ADAMTS14: variants seen among roughly 807,000 people sequenced by gnomAD.
ADAMTS14 encodes A disintegrin and metalloproteinase with thrombospondin motifs 14.
In ADAMTS14, 100 loss-of-function variants were observed where a neutral mutation model predicts 128.6. The ratio of observed to expected loss-of-function variants is 0.78; its 90% CI spans 0.66 to 0.92. The LOEUF (loss-of-function observed/expected upper bound fraction) is 0.92, where lower values mean the gene tolerates loss of function less well. ADAMTS14 is among the 40% of genes least tolerant of loss of function. The probability of loss-of-function intolerance (pLI) is 0.00; values close to 1 mark genes in which losing one functional copy is unlikely to be tolerated. For missense variants in ADAMTS14, 1,562 were observed against 1,658.6 expected, an observed-to-expected ratio of 0.94 and a Z score of 1.01; for synonymous variants, 665 against 653.8, an observed-to-expected ratio of 1.02 and a Z score of -0.26.
At chr10:70,706,983 T>C (rs927842381) in intron 3 of ADAMTS14, among the ~76,000 whole-genome samples, 3 of 152,238 alleles carry the variant, frequency 2.0e-5, no homozygotes, top group African/African-American at 7.2e-5. Flanking sequence ...CAATGGATTG[T>C]GCAGGGGCAG....
At chr10:70,717,293 A>C (rs536513153) in intron 4 of ADAMTS14, among the ~76,000 whole-genome samples, 2 of 152,044 alleles carry the variant, frequency 1.3e-5, no homozygotes, top group South Asian at 4.2e-4. Context: ...TGGAGAGAGG[A>C]GGGCTGTCTA....
chr10:70,744,151 CTG>C lies in ADAMTS14; in HGVS notation c.2147_2148del (p.Val716GlufsTer29). 6.4e-7 allele frequency: 1 copy of C among 1,551,808 alleles called. No homozygotes were observed. The highest frequency in any genetic ancestry group is 1.2e-5 in the South Asian group (1 of 83,988). On this transcript the variant is annotated frameshift_variant, in exon 14 of 22. Coordinates refer to ENST00000373207, the MANE Select transcript of ADAMTS14 (RefSeq NM_080722.4). The stretch of plus-strand genomic sequence containing the variant: ...GGGGGTGACAACTCCCACTGCAGGA[CTG>C]TGAAGGGGACGCTGGGCAAGGCCTC...
intron 4 of ADAMTS14, among the ~76,000 whole-genome samples, chr10:70,712,429 T>C (rs1404810707): frequency 6.6e-6 from 1 of 152,160 alleles, no homozygotes; most frequent in African/African-American, 2.4e-5. Context: ...CTCATGACTC[T>C]CATAGAGAAA....
intron 2 of ADAMTS14, among the ~76,000 whole-genome samples, chr10:70,684,049 G>T (rs1403859961): frequency 6.6e-6 from 1 of 151,958 alleles, no homozygotes; most frequent in African/African-American, 2.4e-5. Flanking sequence ...GAAGCATAGC[G>T]GCTTCCACTA....
chr10:70,708,294 C>T (rs1012187593), intron 3 of ADAMTS14, among the ~76,000 whole-genome samples: 1 of 152,156 alleles, frequency 6.6e-6, no homozygotes, highest in Admixed American at 6.5e-5. Context: ...AGGGATTGGG[C>T]CTGGGACGCC....
At chr10:70,752,945 C>T (rs570431998) in intron 18 of ADAMTS14, among the ~76,000 whole-genome samples, 9 of 152,250 alleles carry the variant, frequency 5.9e-5, no homozygotes, top group Non-Finnish European at 1.2e-4. Context: ...AGCTTCATAA[C>T]CAGCCCCCTG....
At chr10:70,747,030 C>A (rs1462134457) in intron 15 of ADAMTS14, among the ~76,000 whole-genome samples, 2 of 152,154 alleles carry the variant, frequency 1.3e-5, no homozygotes, top group African/African-American at 4.8e-5. Flanking sequence ...AAACACATAT[C>A]TCTTGGCAGG....
intron 18 of ADAMTS14, among the ~76,000 whole-genome samples, chr10:70,753,414 G>C (rs1842401951): frequency 6.6e-6 from 1 of 152,204 alleles, no homozygotes; most frequent in Non-Finnish European, 1.5e-5. Context: ...TCTGTTTTGT[G>C]CCCTGACGCT....
chr10:70,674,800 T>C lies in ADAMTS14; in HGVS notation c.327T>C (p.Asn109=), dbSNP rs1839593041. ...TGGGGCGCCACTCCCTCTACTTCAA[T>C]GTCACTGTTTTCGGGAAGGAACTGC... ...GRVGRHSLYF[N]VTVFGKELHL... The change falls in exon 2 of 22, where the codon AAT becomes AAC. Residue 109 remains asparagine, a synonymous_variant. Coordinates refer to ENST00000373207, the MANE Select transcript of ADAMTS14 (RefSeq NM_080722.4). 6.2e-7 allele frequency: 1 copy of C among 1,613,670 alleles called. No individual in the cohort carries two copies. Among genetic ancestry groups the C allele is most frequent in the Non-Finnish European group, 8.5e-7 (1 of 1,180,026 alleles).
intron 3 of ADAMTS14, among the ~76,000 whole-genome samples, chr10:70,708,100 G>A (rs2132611775): frequency 6.6e-6 from 1 of 152,310 alleles, no homozygotes; most frequent in Admixed American, 6.5e-5. Flanking sequence ...GGATTTGAGA[G>A]GCTCAGTGCT....
In ADAMTS14 at chr10:70,708,756, A is replaced by G; in HGVS notation, c.848A>G (p.Tyr283Cys). Reference protein sequence around the residue: ...RFHGKEHVQNYVLTLMNIVDE... With the variant: ...RFHGKEHVQNCVLTLMNIVDE... ...CATGGCAAGGAGCATGTGCAGAACT[A>G]TGTCCTCACCCTCATGAATATCGTG... The change falls in exon 4 of 22, where the codon TAT becomes TGT. Residue 283 changes from tyrosine to cysteine, a missense_variant. Coordinates refer to ENST00000373207, the MANE Select transcript of ADAMTS14 (RefSeq NM_080722.4). 7.3e-7 allele frequency: 1 copy of G among 1,372,538 alleles called. No homozygotes were observed. 85.0% of individuals were successfully genotyped at this position (1,372,538 alleles called of 1,614,324 possible). A position where few individuals can be genotyped will look rare whatever the true frequency, so the allele number is the denominator to read the frequency against.
chr10:70,717,315 T>G (rs1841086551), intron 4 of ADAMTS14, among the ~76,000 whole-genome samples: 1 of 151,966 alleles, frequency 6.6e-6, no homozygotes, highest in Non-Finnish European at 1.5e-5. Context: ...AGGGGCTCAT[T>G]GCTGAGCCTG....
At chr10:70,713,209 G>A (rs1453824343) in intron 4 of ADAMTS14, among the ~76,000 whole-genome samples, 1 of 152,210 alleles carries the variant, frequency 6.6e-6, no homozygotes, top group Non-Finnish European at 1.5e-5. Flanking sequence ...TCTGGAGGGT[G>A]GATCAGGCTT....
chr10:70,699,117 A>AT (rs575353354), intron 2 of ADAMTS14, among the ~76,000 whole-genome samples: 127 of 152,236 alleles, frequency 8.3e-4, no homozygotes, highest in African/African-American at 3.0e-3. Flanking sequence ...TAGGAAAGCC[A>AT]TGTTTTCTTG....
rs764725837 is a variant in ADAMTS14, at chr10:70,758,030, C to T, written c.3006C>T (p.Leu1002=). 1.5e-5 allele frequency: 25 copies of T among 1,613,492 alleles called. No individual in the cohort carries two copies. The highest frequency in any genetic ancestry group is 2.7e-5 in the African/African-American group (2 of 74,912). ...QVVCRTNANS[L]GHCEGDRPDT... is the part of the protein sequence containing the mutation. Reference sequence around the variant, plus strand: ...TGTGCAGGACCAACGCCAACAGCCTCGGGCATTGCGAGGGGGATAGGCCAG... The same window carrying T: ...TGTGCAGGACCAACGCCAACAGCCTTGGGCATTGCGAGGGGGATAGGCCAG... Residue 1002 remains leucine, a synonymous_variant, in exon 20 of 22, where the codon CTC becomes CTT. Coordinates refer to ENST00000373207, the MANE Select transcript of ADAMTS14 (RefSeq NM_080722.4).
At chr10:70,720,496 G>A (rs1363786720) in intron 4 of ADAMTS14, among the ~76,000 whole-genome samples, 1 of 152,184 alleles carries the variant, frequency 6.6e-6, no homozygotes, top group African/African-American at 2.4e-5. Flanking sequence ...ATGTGAACTT[G>A]TCTGTGTGTG....
intron 15 of ADAMTS14, among the ~76,000 whole-genome samples, chr10:70,746,968 C>T (rs866670421): frequency 1.3e-5 from 2 of 151,954 alleles, no homozygotes; most frequent in African/African-American, 4.8e-5. Flanking sequence ...TTACCTATTA[C>T]GTCTGCCAAG....
At chr10:70,713,416 A>G (rs1840922675) in intron 4 of ADAMTS14, among the ~76,000 whole-genome samples, 1 of 152,174 alleles carries the variant, frequency 6.6e-6, no homozygotes, top group Non-Finnish European at 1.5e-5. Flanking sequence ...AGAGGGGTGT[A>G]TTGGCAGGGA....
chr10:70,721,019 C>CTTTTTTTTTTTTT (rs56656736), intron 4 of ADAMTS14, among the ~76,000 whole-genome samples: 5 of 84,328 alleles, frequency 5.9e-5, no homozygotes, highest in East Asian at 4.7e-4. Context: ...TCTCTTTTTT[C>CTTTTTTTTTTTTT]TTTTTTTTTT....
Sources: allele counts gnomAD v4.1 joint callset (sites outside exome capture counted in the v4.1 genomes callset), GRCh38; gene constraint gnomAD v4.1.1; transcripts MANE v1.5; gene names NCBI Gene and HGNC (gene_info 2026-07-23, HGNC 2026-07-21).